Variants in PCDHGB1 observed in about 807,000 individuals in gnomAD.
PCDHGB1 encodes protocadherin gamma subfamily B, 1.
A neutral mutation model predicts 56.6 loss-of-function variants in PCDHGB1; 34 were observed. The observed-to-expected ratio is 0.60, with a 90% CI of 0.46 to 0.80. The LOEUF is 0.80. PCDHGB1 is among the 30% of genes least tolerant of loss of function. PCDHGB1 has a pLI of 0.00. For synonymous variants in PCDHGB1, 561 were observed against 505.9 expected (o/e 1.11, Z -1.46); for missense variants, 1,278 against 1,204.6 (o/e 1.06, Z -0.90).
chr5:141,510,289 A>T (rs1279501931), intron 3 of PCDHGB1, among the ~76,000 whole-genome samples: 3 of 151,754 alleles, frequency 2.0e-5, no homozygotes, highest in Non-Finnish European at 4.4e-5. Context: ...AAAAAAAAAA[A>T]AATGCTGTTT....
chr5:141,372,783 C>T lies in PCDHGB1; in HGVS notation c.2409+20114C>T, dbSNP rs1324941616. On this transcript the variant is annotated intron_variant, in intron 1 of 3. Coordinates refer to ENST00000523390, the MANE Select transcript of PCDHGB1 (RefSeq NM_018922.3). ...TGAAAGTAATGACAATCCAGAAATG[C>T]CTTCTAATTCAGGCAATTTGCAAAA... 5.0e-6 allele frequency: 8 copies of T among 1,606,014 alleles called. No homozygotes were observed. Among genetic ancestry groups the T allele is most frequent in the African/African-American group, 1.3e-5 (1 of 74,834 alleles).
chr5:141,361,197 T>A, intron 1 of PCDHGB1: 1 of 1,613,872 alleles, frequency 6.2e-7, no homozygotes, highest in South Asian at 1.1e-5. Flanking sequence ...CAGTATCTAC[T>A]CCCCTACCGG....
chr5:141,487,590 C>G lies in PCDHGB1; in HGVS notation c.2410-7217C>G. 1 of 1,614,160 alleles carries G rather than the reference C, an allele frequency of 6.2e-7. No homozygotes were observed. Among genetic ancestry groups the G allele is most frequent in the Non-Finnish European group, 8.5e-7 (1 of 1,180,040 alleles). ...GAGCCTGTTCGCCCAAGCTGCCCACCCTCTGATCTTCTCTATGGGCTAGAG... is the reference window on the plus strand; with the variant it reads ...GAGCCTGTTCGCCCAAGCTGCCCACGCTCTGATCTTCTCTATGGGCTAGAG... On this transcript the variant is annotated intron_variant, in intron 1 of 3. Transcript: ENST00000523390. The surrounding 1 kb of genome is among the most constrained non-coding windows in gnomAD (Gnocchi z 5.0).
At chr5:141,471,506 G>A (rs2099258630) in intron 1 of PCDHGB1, 1 of 152,214 alleles carries the variant, frequency 6.6e-6, no homozygotes, top group South Asian at 2.1e-4. Flanking sequence ...GCAAGAGAGG[G>A]AGTAAAAATA....
chr5:141,498,971 G>GGGAA (rs201769957), intron 2 of PCDHGB1, among the ~76,000 whole-genome samples: 8,226 of 110,874 alleles, frequency 0.074, 335 homozygotes, highest in Middle Eastern at 0.11. Flanking sequence ...GAGGGAGGGA[G>GGGAA]GGAAGGAAGG....
In PCDHGB1 at chr5:141,361,092, C is replaced by G. The variant is rs377144808; in HGVS notation, c.2409+8423C>G. The G allele has an allele frequency of 5.0e-5, 81 of 1,613,938 alleles. 2 individuals carry two copies. In the African/African-American group the frequency reaches 7.2e-4, roughly 14 times the overall value. On this transcript the variant is annotated intron_variant, in intron 1 of 3. Transcript: ENST00000523390. Reference sequence around the variant, plus strand: ...TTGCAAGTAGTTACACTCTGAGTATCGAAGCAAAAGATCCTGGAGATCTAG... The same window carrying G: ...TTGCAAGTAGTTACACTCTGAGTATGGAAGCAAAAGATCCTGGAGATCTAG...
intron 1 of PCDHGB1, chr5:141,419,059 T>C (rs574873856): frequency 1.6e-5 from 26 of 1,613,962 alleles, no homozygotes; most frequent in Non-Finnish European, 2.0e-5. Context: ...CTTCTAATAA[T>C]TACTACAAGC....
intron 1 of PCDHGB1, among the ~76,000 whole-genome samples, chr5:141,468,788 C>T (rs2099179417): frequency 6.6e-6 from 1 of 151,926 alleles, no homozygotes; most frequent in Admixed American, 6.6e-5. Context: ...ATGGCGTGAA[C>T]CCGGGAGGCG....
chr5:141,465,210 AT>A (rs1374516492), intron 1 of PCDHGB1, among the ~76,000 whole-genome samples: 4 of 152,032 alleles, frequency 2.6e-5, no homozygotes, highest in African/African-American at 9.7e-5. Flanking sequence ...TATAAGCTTT[AT>A]TTTTCAACAT....
intron 1 of PCDHGB1, chr5:141,429,251 A>C (rs2097199889): frequency 6.6e-6 from 1 of 151,884 alleles, no homozygotes; most frequent in Non-Finnish European, 1.5e-5. Context: ...GAGATATTTT[A>C]ATTGAGGAAT....
At chr5:141,481,762 GC>G (rs1307001837) in intron 1 of PCDHGB1, among the ~76,000 whole-genome samples, 1 of 152,126 alleles carries the variant, frequency 6.6e-6, no homozygotes, top group Admixed American at 6.5e-5. Context: ...GACCAGCCTG[GC>G]CAACATGGTG....
At chr5:141,419,803 T>C (rs2096436352) in intron 1 of PCDHGB1, 3 of 1,614,026 alleles carry the variant, frequency 1.9e-6, no homozygotes, top group Non-Finnish European at 2.5e-6. Context: ...CTGTAAGAGA[T>C]GGAGGACAGC....
At chr5:141,481,919 A>C (rs1488201177) in intron 1 of PCDHGB1, among the ~76,000 whole-genome samples, 1 of 151,214 alleles carries the variant, frequency 6.6e-6, no homozygotes, top group Non-Finnish European at 1.5e-5. Context: ...ATCTCAAAAA[A>C]AAAAAAAAAA....
In PCDHGB1 at chr5:141,477,696, A is replaced by T. The variant is rs778604051; in HGVS notation, c.2410-17111A>T. The T allele has an allele frequency of 2.1e-5, 34 of 1,614,054 alleles. No individual in the cohort carries two copies. Among genetic ancestry groups the T allele is most frequent in the Non-Finnish European group, 2.9e-5 (34 of 1,180,044 alleles). On this transcript the variant is annotated intron_variant, in intron 1 of 3. Transcript: ENST00000523390. This position sits in a 1 kb window ranked among gnomAD's most constrained non-coding sequence, Gnocchi z 4.9. ...GTGTCATCCTTAGTGCCCCTAGACT[A>T]TGAGGATCGGCGGGAATTTGAATTA...
intron 1 of PCDHGB1, among the ~76,000 whole-genome samples, chr5:141,488,238 C>G (rs374846692): frequency 6.6e-6 from 1 of 152,154 alleles, no homozygotes; most frequent in African/African-American, 2.4e-5. Context: ...GAACTAGATG[C>G]GGTAAATTGG....
chr5:141,399,146 G>A, intron 1 of PCDHGB1: 4 of 1,613,792 alleles, frequency 2.5e-6, no homozygotes, highest in Non-Finnish European at 3.4e-6. Context: ...AATGACAATA[G>A]CCCAGAAGTT....
At chr5:141,448,316 T>G (rs1042171540) in intron 1 of PCDHGB1, among the ~76,000 whole-genome samples, 2 of 152,174 alleles carry the variant, frequency 1.3e-5, no homozygotes, top group Admixed American at 1.3e-4. Context: ...AGGAATCTTT[T>G]CTTTGAATCT....
chr5:141,428,376 A>G (rs2097136159), intron 1 of PCDHGB1: 2 of 528,068 alleles, frequency 3.8e-6, no homozygotes, highest in African/African-American at 1.9e-5. Flanking sequence ...TGCACCTGCG[A>G]TGCTCTTCCA....
At position 141,487,148 on chromosome 5, in the gene PCDHGB1, G is replaced by A; in HGVS notation, c.2410-7659G>A. ...TGGTAGTCCACCACTCTCTACCTCT[G>A]TTACTCTCTTAGTGTCCTTAGAGGA... On this transcript the variant is annotated intron_variant, in intron 1 of 3. Transcript: ENST00000523390. This position sits in a 1 kb window ranked among gnomAD's most constrained non-coding sequence, Gnocchi z 5.0. The A allele has an allele frequency of 6.2e-7, 1 of 1,614,042 alleles. No homozygotes were observed. The highest frequency in any genetic ancestry group is 8.5e-7 in the Non-Finnish European group (1 of 1,179,922).
Sources: allele counts gnomAD v4.1 joint callset (sites outside exome capture counted in the v4.1 genomes callset), GRCh38; gene constraint gnomAD v4.1.1; non-coding constraint Gnocchi (gnomAD v3.1); transcripts MANE v1.5; gene names NCBI Gene and HGNC (gene_info 2026-07-23, HGNC 2026-07-21).